MATCAP2: variants seen among roughly 807,000 people sequenced by gnomAD.
MATCAP2 encodes putative tyrosine carboxypeptidase MATCAP2.
the MATCAP2 span, chr7:36,357,261 G>A: frequency 3.3e-5 from 53 of 1,613,988 alleles, 1 homozygote; most frequent in South Asian, 4.2e-4. Flanking sequence ...ACAGCAGGCC[G>A]CCTCTCCAGG....
At chr7:36,357,371 C>CT in the MATCAP2 span, 4 of 1,614,040 alleles carry the variant, frequency 2.5e-6, no homozygotes, top group South Asian at 3.3e-5. Flanking sequence ...TTTTCTACAT[C>CT]TTTTGGAGTA....
chr7:36,348,737 A>C, the MATCAP2 span, among the ~76,000 whole-genome samples: 1 of 152,226 alleles, frequency 6.6e-6, no homozygotes. Context: ...TAAATAAAGT[A>C]TTGTGAGATC....
chr7:36,383,963 C>T, the MATCAP2 span: 4 of 1,233,772 alleles, frequency 3.2e-6, no homozygotes, highest in African/African-American at 3.1e-5. Context: ...TATTGTATTA[C>T]TTTGTGAATT....
At chr7:36,333,785 A>T in the MATCAP2 span, 1 of 1,281,240 alleles carries the variant, frequency 7.8e-7, no homozygotes. Flanking sequence ...TGATTCAGGG[A>T]TTAGGATATA....
At chr7:36,363,471 A>G in the MATCAP2 span, among the ~76,000 whole-genome samples, 1 of 152,232 alleles carries the variant, frequency 6.6e-6, no homozygotes, top group Admixed American at 6.5e-5. Context: ...TGATTTTCCC[A>G]GGTAAAAATT....
the MATCAP2 span, among the ~76,000 whole-genome samples, chr7:36,374,687 C>T: frequency 1.3e-5 from 2 of 152,274 alleles, no homozygotes; most frequent in South Asian, 4.1e-4. Flanking sequence ...ATCCCTCCCC[C>T]TGCCCCCAAC....
chr7:36,360,138 G>C, the MATCAP2 span, among the ~76,000 whole-genome samples: 3 of 152,112 alleles, frequency 2.0e-5, no homozygotes, highest in African/African-American at 7.2e-5. Context: ...CATATATGTT[G>C]TACTGATTTT....
At chr7:36,335,178 T>C in the MATCAP2 span, 1 of 1,613,604 alleles carries the variant, frequency 6.2e-7, no homozygotes, top group Non-Finnish European at 8.5e-7. Flanking sequence ...TGAACTACAA[T>C]CTAAGGGGCA....
chr7:36,334,937 C>T, the MATCAP2 span: 1 of 1,037,976 alleles, frequency 9.6e-7, no homozygotes, highest in East Asian at 2.6e-5. Flanking sequence ...TTTTCTTCTA[C>T]TAAGAAAATA....
the MATCAP2 span, among the ~76,000 whole-genome samples, chr7:36,353,480 TC>T: frequency 5.6e-5 from 4 of 71,642 alleles, no homozygotes; most frequent in Non-Finnish European, 9.7e-5. Flanking sequence ...CTGTTTATGC[TC>T]TTTTTTTTTT....
chr7:36,387,870 T>C, the MATCAP2 span, among the ~76,000 whole-genome samples: 1 of 152,102 alleles, frequency 6.6e-6, no homozygotes, highest in Non-Finnish European at 1.5e-5. Flanking sequence ...TTTCCAACGT[T>C]GTTTAAAACA....
At chr7:36,374,516 C>T in the MATCAP2 span, among the ~76,000 whole-genome samples, 4 of 152,034 alleles carry the variant, frequency 2.6e-5, no homozygotes, top group Admixed American at 1.3e-4. Context: ...ACCCCTAAGA[C>T]TTCTTTCTTT....
chr7:36,348,705 T>C, the MATCAP2 span, among the ~76,000 whole-genome samples: 1 of 152,186 alleles, frequency 6.6e-6, no homozygotes, highest in Admixed American at 6.5e-5. Flanking sequence ...AGATCCAATG[T>C]AGTAATACTT....
At chr7:36,336,054 G>T in the MATCAP2 span, 1 of 890,470 alleles carries the variant, frequency 1.1e-6, no homozygotes, top group South Asian at 3.2e-5. Context: ...CTGGGCAACA[G>T]AGCGAGACTC....
At chr7:36,331,489 A>C in the MATCAP2 span, among the ~76,000 whole-genome samples, 2 of 152,208 alleles carry the variant, frequency 1.3e-5, no homozygotes, top group Non-Finnish European at 1.5e-5. Context: ...TAGAGCAGGT[A>C]CATCTCAATA....
the MATCAP2 span, chr7:36,389,906 G>C: frequency 1.9e-6 from 3 of 1,574,400 alleles, no homozygotes; most frequent in Non-Finnish European, 2.6e-6. Context: ...CTGGTTGTGG[G>C]AGAGTTCCCC....
chr7:36,327,009 T>G, the MATCAP2 span: 6 of 1,097,240 alleles, frequency 5.5e-6, no homozygotes, highest in Non-Finnish European at 7.8e-6. Flanking sequence ...AATGAAAGTA[T>G]ACAGATCATT....
chr7:36,353,637 C>A, the MATCAP2 span, among the ~76,000 whole-genome samples: 2 of 151,878 alleles, frequency 1.3e-5, no homozygotes, highest in African/African-American at 4.8e-5. Flanking sequence ...CCCACCACCA[C>A]GCCCAGCTAA....
At chr7:36,325,287 G>GTGTC in the MATCAP2 span, 109 of 152,374 alleles carry the variant, frequency 7.2e-4, no homozygotes, top group African/African-American at 2.5e-3. Flanking sequence ...ATGCTCCAAA[G>GTGTC]TGTCTGGCCC....
Sources: allele counts gnomAD v4.1 joint callset (sites outside exome capture counted in the v4.1 genomes callset), GRCh38; gene constraint gnomAD v4.1.1; transcripts MANE v1.5; gene names NCBI Gene and HGNC (gene_info 2026-07-23, HGNC 2026-07-21).